Variants in ANKS6 observed in about 807,000 individuals in gnomAD.
ANKS6 encodes the protein ankyrin repeat and sterile alpha motif domain containing 6.
Under a neutral mutation model 77.9 loss-of-function variants are expected in ANKS6, and 47 were observed. That is an observed-to-expected ratio of 0.60 (90% CI 0.48 to 0.77). The LOEUF is 0.77. Among genes scored for constraint, ANKS6 ranks in the 30% least tolerant of loss-of-function variants. ANKS6 has a pLI of 0.00. For missense variants in ANKS6, 1,150 were observed against 1,159.1 expected (o/e 0.99, Z 0.11); for synonymous variants, 488 against 501.7 (o/e 0.97, Z 0.37).
intron 6 of ANKS6, among the ~76,000 whole-genome samples, chr9:98,778,993 C>A (rs1209020664): frequency 1.3e-5 from 2 of 152,134 alleles, no homozygotes; most frequent in Non-Finnish European, 2.9e-5. Flanking sequence ...CCACGAAGGG[C>A]ATCTGTGAGG....
intron 13 of ANKS6, among the ~76,000 whole-genome samples, chr9:98,746,520 T>A (rs1040834374): frequency 6.6e-6 from 1 of 151,318 alleles, no homozygotes; most frequent in African/African-American, 2.4e-5. Flanking sequence ...TTAACCCTCA[T>A]GACATTGGCG....
rs117779115 is a variant in ANKS6 at position 98,791,264 on chromosome 9, C to G, written c.360-658G>C. ...TCTACCCTCCCCATCCCCAAAAGCA[C>G]ACACCCCATGCCAAGAGGTGTGGCA... On this transcript the variant is annotated intron_variant, in intron 1 of 14. Transcript: ENST00000353234. This position sits in a 1 kb window ranked among gnomAD's most constrained non-coding sequence, Gnocchi z 4.3. 3.6e-3 allele frequency among the ~76,000 whole-genome samples: 552 copies of G among 152,340 alleles called. 9 individuals carry two copies. Among genetic ancestry groups the G allele is most frequent in the Admixed American group, 0.027 (421 of 15,312 alleles).
chr9:98,772,017 A>C (rs1352220689), intron 9 of ANKS6, among the ~76,000 whole-genome samples: 1 of 152,172 alleles, frequency 6.6e-6, no homozygotes, highest in Non-Finnish European at 1.5e-5. Flanking sequence ...GGCACAAAGA[A>C]GGCACTCAGT....
At chr9:98,745,736 A>G in intron 13 of ANKS6, 61 bp from the exon 14 acceptor site, 1 of 1,271,706 alleles carries the variant, frequency 7.9e-7, no homozygotes, top group Non-Finnish European at 1.2e-6. Context: ...TCCCAGTCAC[A>G]ACAGCAATCT....
Position 98,744,544 on chromosome 9 carries a change from T to A in ANKS6, c.2511+1015A>T, listed in dbSNP as rs28512311. On this transcript the variant is annotated intron_variant, in intron 14 of 14. Transcript: ENST00000353234. ...TGATGAGGAAACGTATGCAGTGATT[T>A]GTAGATGATAAAGTACTACATAAAT... Among the ~76,000 whole-genome samples the A allele has an allele frequency of 5.3e-3, 804 of 152,338 alleles. 6 individuals carry two copies. The highest frequency in any genetic ancestry group is 0.024 in the South Asian group (115 of 4,822).
chr9:98,767,931 C>T (rs1006911220), intron 11 of ANKS6, 150 bp downstream of exon 11: 15 of 1,150,296 alleles, frequency 1.3e-5, no homozygotes, highest in Non-Finnish European at 1.8e-5. Context: ...CATTTCAGCC[C>T]TTCTCATGCA....
At chr9:98,784,366 G>A (rs1414293611) in intron 3 of ANKS6, 1 of 478,898 alleles carries the variant, frequency 2.1e-6, no homozygotes. Context: ...CACACGAATG[G>A]GCAGAAGTGT....
rs1834923786 is a variant in ANKS6, at chr9:98,791,904, G to C, written c.360-1298C>G. On this transcript the variant is annotated intron_variant, in intron 1 of 14. Coordinates refer to ENST00000353234, the MANE Select transcript of ANKS6 (RefSeq NM_173551.5). This position sits in a 1 kb window ranked among gnomAD's most constrained non-coding sequence, Gnocchi z 4.3. ...GGTGACACAGCTCCATCAGCTGCAG[G>C]GGGCTGGGCCTCTTGACCTCCACTC... Among the ~76,000 whole-genome samples the C allele has an allele frequency of 6.6e-6, 1 of 152,104 alleles. No homozygotes were observed. The highest frequency in any genetic ancestry group is 2.4e-5 in the African/African-American group (1 of 41,402).
intron 12 of ANKS6, among the ~76,000 whole-genome samples, chr9:98,752,873 A>G (rs1832505912): frequency 1.3e-5 from 2 of 152,350 alleles, no homozygotes; most frequent in African/African-American, 4.8e-5. Context: ...GACCCAGCCC[A>G]AGGTACTAGG....
chr9:98,770,781 T>A, intron 10 of ANKS6, 115 bp downstream of exon 10: 1 of 1,094,396 alleles, frequency 9.1e-7, no homozygotes, highest in South Asian at 4.7e-5. Flanking sequence ...AAGGAGAAAG[T>A]GCCTCTTGCG....
At chr9:98,770,538 C>T (rs951145832) in intron 10 of ANKS6, among the ~76,000 whole-genome samples, 2 of 152,062 alleles carry the variant, frequency 1.3e-5, no homozygotes, top group East Asian at 1.9e-4. Flanking sequence ...TTGTGAACTT[C>T]GGTTTCATCT....
At chr9:98,762,120 T>A (rs1252168114) in intron 11 of ANKS6, among the ~76,000 whole-genome samples, 2 of 152,198 alleles carry the variant, frequency 1.3e-5, no homozygotes, top group African/African-American at 4.8e-5. Context: ...TTATATTATA[T>A]TCCATATAAT....
chr9:98,737,016 T>C (rs1314395353), intron 14 of ANKS6, among the ~76,000 whole-genome samples: 1 of 152,242 alleles, frequency 6.6e-6, no homozygotes, highest in Non-Finnish European at 1.5e-5. Flanking sequence ...AGTGTCCTTC[T>C]GCTACAGGAT....
rs1320824791 is a variant in ANKS6, at chr9:98,736,221, C to T, written c.*298G>A. On this transcript the variant is annotated 3_prime_UTR_variant, in exon 15 of 15. Transcript: ENST00000353234. ...CAGCCAGAAGCAAACTCTGAGGCTCCCGGGGAGGGCAGAGCACAGGATGAA... is the reference window on the plus strand; with the variant it reads ...CAGCCAGAAGCAAACTCTGAGGCTCTCGGGGAGGGCAGAGCACAGGATGAA... 8.3e-7 allele frequency: 1 copy of T among 1,205,266 alleles called. No homozygotes were observed. The highest frequency in any genetic ancestry group is 3.4e-5 in the South Asian group (1 of 29,552). 74.7% of individuals were successfully genotyped at this position (1,205,266 alleles called of 1,614,324 possible). A position where few individuals can be genotyped will look rare whatever the true frequency, so the allele number is the denominator to read the frequency against.
intron 14 of ANKS6, among the ~76,000 whole-genome samples, chr9:98,738,459 CA>C (rs1438681676): frequency 1.3e-5 from 2 of 151,502 alleles, no homozygotes; most frequent in African/African-American, 4.9e-5. Context: ...AGAAGATATA[CA>C]AATGGCCAGC....
Position 98,734,942 on chromosome 9 carries a change from T to C in ANKS6, c.*1577A>G, listed in dbSNP as rs1040446670. 1.7e-5 allele frequency: 17 copies of C among 985,250 alleles called. No individual in the cohort carries two copies. The highest frequency in any genetic ancestry group is 1.9e-5 in the Non-Finnish European group (16 of 829,950). The allele number at this position is 985,250 out of a possible 1,614,324, so 61.0% of individuals were successfully genotyped here. A position where few individuals can be genotyped will look rare whatever the true frequency, so the allele number is the denominator to read the frequency against. Reference sequence around the variant, plus strand: ...AATTTAAAGGAAAAACACCCAACCATCAGGGCAGGGGAAGAAAACTACGAG... The same window carrying C: ...AATTTAAAGGAAAAACACCCAACCACCAGGGCAGGGGAAGAAAACTACGAG... On this transcript the variant is annotated 3_prime_UTR_variant, in exon 15 of 15. Coordinates refer to ENST00000353234, the MANE Select transcript of ANKS6 (RefSeq NM_173551.5).
At position 98,767,686 on chromosome 9, in the gene ANKS6, T is replaced by C. The variant is rs564341509; in HGVS notation, c.2142+395A>G. ...CCAACACGGACATGAGCTTATCCTG[T>C]GCCAGGCCCTGTTCTAAATGCTGAG... On this transcript the variant is annotated intron_variant, in intron 11 of 14. Transcript: ENST00000353234. 3.1e-4 allele frequency among the ~76,000 whole-genome samples: 47 copies of C among 152,352 alleles called. 4 individuals carry two copies. The South Asian group carries it at 8.3e-3, about 27-fold the overall frequency.
chr9:98,739,117 G>C (rs1588314040), intron 14 of ANKS6, among the ~76,000 whole-genome samples: 2 of 151,190 alleles, frequency 1.3e-5, no homozygotes, highest in Admixed American at 6.6e-5. Context: ...GGGGACAGAG[G>C]GGGAAAGGAT....
intron 10 of ANKS6, among the ~76,000 whole-genome samples, chr9:98,770,088 C>A (rs1833538901): frequency 6.6e-6 from 1 of 152,140 alleles, no homozygotes; most frequent in African/African-American, 2.4e-5. Context: ...ATTCCCGCAT[C>A]ATGGGAGGGA....
Sources: gnomAD v4.1 joint callset for allele counts (sites outside exome capture counted in the v4.1 genomes callset) on GRCh38, gnomAD v4.1.1 for gene constraint, Gnocchi (gnomAD v3.1) non-coding constraint, MANE v1.5 for transcripts, NCBI Gene and HGNC (gene_info 2026-07-23, HGNC 2026-07-21) for gene names.